The following SLC14A2 variants were observed in gnomAD, a reference collection of about 807,000 sequenced individuals.
SLC14A2 encodes urea transporter 2.
SLC14A2 carries 91 observed loss-of-function variants against 104.6 expected under a neutral mutation model. The ratio of observed to expected loss-of-function variants is 0.87; its 90% CI spans 0.73 to 1.04. The LOEUF is 1.04. SLC14A2 is among the 50% of genes least tolerant of loss of function. SLC14A2 has a pLI of 0.00. For synonymous variants in SLC14A2, 476 were observed against 466.4 expected, an observed-to-expected ratio of 1.02 and a Z score of -0.27; for missense variants, 1,189 against 1,156.0, an observed-to-expected ratio of 1.03 and a Z score of -0.41.
chr18:45,675,817 G>C (rs1003330919), intron 18 of SLC14A2, among the ~76,000 whole-genome samples: 1 of 149,048 alleles, frequency 6.7e-6, no homozygotes, highest in African/African-American at 2.5e-5. Flanking sequence ...TGTTTGTACA[G>C]GTTCAATGAA....
intron 2 of SLC14A2, among the ~76,000 whole-genome samples, chr18:45,486,846 GA>G (rs1428916418): frequency 2.0e-5 from 3 of 152,114 alleles, no homozygotes; most frequent in African/African-American, 7.2e-5. Context: ...CATATAGTTA[GA>G]ATGAAAAAAT....
intron 2 of SLC14A2, among the ~76,000 whole-genome samples, chr18:45,583,101 A>G (rs2044520118): frequency 6.6e-6 from 1 of 152,236 alleles, no homozygotes; most frequent in African/African-American, 2.4e-5. Context: ...AGCAGGAAGG[A>G]GTAGAGCAAA....
intron 1 of SLC14A2, among the ~76,000 whole-genome samples, chr18:45,234,625 C>T (rs1166736066): frequency 6.6e-6 from 1 of 152,202 alleles, no homozygotes; most frequent in Non-Finnish European, 1.5e-5. Flanking sequence ...GTTTTCACTT[C>T]AGTCATTTCA....
Position 45,666,760 on chromosome 18 carries a change from G to A in SLC14A2, c.1558-175G>A, listed in dbSNP as rs566235498. Among the ~76,000 whole-genome samples, 3 of 152,274 alleles carry A rather than the reference G, an allele frequency of 2.0e-5. No individual in the cohort carries two copies. In the East Asian group the frequency reaches 5.8e-4, roughly 29 times the overall value. ...CCTCACGGTAGTTAACCTATTAGAT[G>A]AGGTCATGTGTCAAACAAAAGACAG... On this transcript the variant is annotated intron_variant, in intron 12 of 19. Transcript: ENST00000255226.
At chr18:45,608,201 T>A (rs2044902323) in intron 2 of SLC14A2, among the ~76,000 whole-genome samples, 1 of 152,222 alleles carries the variant, frequency 6.6e-6, no homozygotes, top group East Asian at 1.9e-4. Flanking sequence ...AATCGGTGCT[T>A]TAGAAAGATT....
the SLC14A2 span, among the ~76,000 whole-genome samples, chr18:45,172,903 A>G: frequency 2.6e-5 from 4 of 152,268 alleles, no homozygotes; most frequent in East Asian, 3.9e-4. Context: ...GACACTACCA[A>G]CTGCCAAGTG....
At chr18:45,362,794 A>G (rs567795595) in intron 1 of SLC14A2, among the ~76,000 whole-genome samples, 12 of 152,310 alleles carry the variant, frequency 7.9e-5, no homozygotes, top group Admixed American at 4.6e-4. Flanking sequence ...TTTTATCCTG[A>G]TAAACATTTG....
At chr18:45,566,849 G>C (rs1384308976) in intron 2 of SLC14A2, among the ~76,000 whole-genome samples, 1 of 152,194 alleles carries the variant, frequency 6.6e-6, no homozygotes, top group East Asian at 1.9e-4. Context: ...ACTGGTGAGG[G>C]CTAGAAGTCA....
intron 7 of SLC14A2, among the ~76,000 whole-genome samples, chr18:45,640,935 G>A (rs2045516754): frequency 6.6e-6 from 1 of 152,234 alleles, no homozygotes; most frequent in African/African-American, 2.4e-5. Flanking sequence ...GCAGTAAGAA[G>A]GGGCCTAGAA....
chr18:45,612,977 T>G (rs906379552), upstream of SLC14A2, among the ~76,000 whole-genome samples: 2 of 152,210 alleles, frequency 1.3e-5, no homozygotes, highest in Non-Finnish European at 2.9e-5. Context: ...CCCAGCATTG[T>G]GGAAATGTGA....
Position 45,556,200 on chromosome 18 carries a change from C to T in SLC14A2, c.-34-68431C>T, listed in dbSNP as rs140396430. ...CATTGCATTCATGAGTGCTTTCCTT[C>T]GTTACTGAATCACCTCCTAGTACCA... On this transcript the variant is annotated intron_variant, in intron 2 of 20. Coordinates refer to the SLC14A2 transcript ENST00000586448. 5.5e-3 allele frequency among the ~76,000 whole-genome samples: 841 copies of T among 152,240 alleles called. 3 individuals carry two copies. Among genetic ancestry groups the T allele is most frequent in the Non-Finnish European group, 8.1e-3 (554 of 68,014 alleles).
chr18:45,625,498 A>G (rs1354871272), intron 2 of SLC14A2, among the ~76,000 whole-genome samples, 185 bp from the exon 3 acceptor site: 1 of 152,178 alleles, frequency 6.6e-6, no homozygotes, highest in Non-Finnish European at 1.5e-5. Flanking sequence ...AAGAAGGTGC[A>G]TGGTCCTGGG....
intron 2 of SLC14A2, among the ~76,000 whole-genome samples, chr18:45,595,623 A>G (rs1433071651): frequency 1.3e-5 from 2 of 152,152 alleles, no homozygotes; most frequent in Non-Finnish European, 2.9e-5. Context: ...AAGCTTTGCA[A>G]TTAGATTCTC....
intron 1 of SLC14A2, among the ~76,000 whole-genome samples, chr18:45,305,161 G>C (rs1568143780): frequency 6.6e-6 from 1 of 152,222 alleles, no homozygotes; most frequent in Non-Finnish European, 1.5e-5. Context: ...GCAACAGCAA[G>C]GTCTAGGTGA....
intron 1 of SLC14A2, among the ~76,000 whole-genome samples, chr18:45,422,381 G>A (rs1399577895): frequency 2.6e-5 from 4 of 152,194 alleles, no homozygotes; most frequent in African/African-American, 9.7e-5. Context: ...GTAAGAAGAA[G>A]AGAGGCAAAT....
At chr18:45,634,756 T>C (rs766709800) in intron 5 of SLC14A2, 4 of 453,622 alleles carry the variant, frequency 8.8e-6, no homozygotes, top group African/African-American at 2.0e-5. Flanking sequence ...AGAAAGCAGT[T>C]AGAGAGTTTT....
At chr18:45,625,193 A>T (rs1428901867) in intron 2 of SLC14A2, among the ~76,000 whole-genome samples, 1 of 152,162 alleles carries the variant, frequency 6.6e-6, no homozygotes, top group Non-Finnish European at 1.5e-5. Context: ...TGCAGTAGAG[A>T]GGGACTCAAG....
At chr18:45,591,743 G>A (rs1034701828) in intron 2 of SLC14A2, among the ~76,000 whole-genome samples, 6 of 152,182 alleles carry the variant, frequency 3.9e-5, no homozygotes, top group African/African-American at 1.4e-4. Context: ...CTCCACCAAA[G>A]GAGACCCCAC....
intron 4 of SLC14A2, 147 bp from the exon 5 acceptor site, chr18:45,632,203 C>T (rs548579902): frequency 1.1e-4 from 92 of 835,332 alleles, no homozygotes; most frequent in Middle Eastern, 3.7e-4. Flanking sequence ...TATGTGACTG[C>T]CCAATATTCA....
Sources: gnomAD v4.1 joint callset for allele counts (sites outside exome capture counted in the v4.1 genomes callset) on GRCh38, gnomAD v4.1.1 for gene constraint, MANE v1.5 for transcripts, NCBI Gene and HGNC (gene_info 2026-07-23, HGNC 2026-07-21) for gene names.